ZNF518A: variants seen among roughly 807,000 people sequenced by gnomAD.
ZNF518A encodes the protein zinc finger protein 518A, also known as zinc finger protein 518.
A neutral mutation model predicts 102.7 loss-of-function variants in ZNF518A; 47 were observed. The observed-to-expected ratio is 0.46, with a 90% CI of 0.36 to 0.58. ZNF518A has a LOEUF of 0.58. Among genes scored for constraint, ZNF518A ranks in the 20% least tolerant of loss-of-function variants. The pLI is 0.00. For synonymous variants in ZNF518A, 652 were observed against 594.6 expected, an observed-to-expected ratio of 1.10 and a Z score of -1.40; for missense variants, 1,793 against 1,699.8, an observed-to-expected ratio of 1.05 and a Z score of -0.96.
chr10:96,138,713 C>T (rs1448134451), intron 3 of ZNF518A, among the ~76,000 whole-genome samples: 1 of 152,082 alleles, frequency 6.6e-6, no homozygotes, highest in Admixed American at 6.5e-5. Context: ...TGGTTTACTG[C>T]CATATTCCCA....
downstream of ZNF518A, among the ~76,000 whole-genome samples, chr10:96,168,049 A>G (rs1004124763): frequency 1.3e-5 from 2 of 152,232 alleles, no homozygotes; most frequent in Admixed American, 6.5e-5. Flanking sequence ...TAATAATTAT[A>G]TGTCCATCAA....
At chr10:96,132,706 T>C (rs1414928589) in intron 2 of ZNF518A, 36 bp downstream of exon 2, 1 of 152,092 alleles carries the variant, frequency 6.6e-6, no homozygotes, top group Non-Finnish European at 1.5e-5. Flanking sequence ...GTATATAGTC[T>C]ATTAAGTAGT....
At chr10:96,132,810 T>G (rs2081404581) in intron 2 of ZNF518A, 140 bp downstream of exon 2, 1 of 152,114 alleles carries the variant, frequency 6.6e-6, no homozygotes, top group Non-Finnish European at 1.5e-5. Context: ...TTTTGAGTGC[T>G]GACATGATGG....
downstream of ZNF518A, among the ~76,000 whole-genome samples, chr10:96,164,066 C>T (rs185204987): frequency 5.3e-4 from 80 of 152,186 alleles, no homozygotes; most frequent in African/African-American, 1.6e-3. Context: ...TGAGATAGAG[C>T]AGAAATGCTG....
downstream of ZNF518A, chr10:96,163,879 A>T (rs1157898001): frequency 2.4e-5 from 4 of 165,970 alleles, no homozygotes; most frequent in Non-Finnish European, 5.9e-5. Context: ...AAGTTTCGTG[A>T]TGTACCTCAC....
rs2082864230 is a variant in ZNF518A at position 96,159,130 on chromosome 10, AG to A, written c.2810del (p.Gly937AspfsTer3). On this transcript the variant is annotated frameshift_variant, in exon 6 of 6. Transcript: ENST00000316045. LOFTEE classifies it high-confidence loss of function. Reference sequence around the variant, plus strand: ...AAACTATAATTGTTCAGACTTCAAAAGGATTCTTAATACCATTGAACATTAC... The same window carrying A: ...AAACTATAATTGTTCAGACTTCAAAAGATTCTTAATACCATTGAACATTAC... Reference protein sequence around the residue: ...KKTIIVQTSKGFLIPLNITNK... With the variant: ...KKTIIVQTSKXFLIPLNITNK... The A allele has an allele frequency of 6.2e-7, 1 of 1,612,224 alleles. No individual in the cohort carries two copies. The highest frequency in any genetic ancestry group is 8.5e-7 in the Non-Finnish European group (1 of 1,179,378).
chr10:96,138,681 A>G (rs1319966914), intron 3 of ZNF518A, among the ~76,000 whole-genome samples: 6 of 152,074 alleles, frequency 3.9e-5, no homozygotes, highest in Non-Finnish European at 5.9e-5. Context: ...TACCTCCGTG[A>G]GGGGAGGGAT....
rs150495829 is a variant in ZNF518A, at chr10:96,189,698, AATC to A, written n.36-13842_36-13840del. ...TTTTCTTCAGTTTCCTCATCATCAA[AATC>A]ATCATCATCATCATCATCATCATCA... On this transcript the variant is annotated intron_variant and non_coding_transcript_variant, in intron 1 of 2. Coordinates refer to the ZNF518A transcript ENST00000442635. 3,594 of 642,138 alleles carry A rather than the reference AATC, an allele frequency of 5.6e-3. 10 individuals carry two copies. Among genetic ancestry groups the A allele is most frequent in the Admixed American group, 0.018 (896 of 49,090 alleles). 39.8% of individuals were successfully genotyped at this position (642,138 alleles called of 1,614,324 possible).
At chr10:96,155,151 T>C (rs2082639640) in intron 3 of ZNF518A, among the ~76,000 whole-genome samples, 175 bp from the exon 4 acceptor site, 1 of 149,610 alleles carries the variant, frequency 6.7e-6, no homozygotes, top group African/African-American at 2.6e-5. Flanking sequence ...TTCAGATTCC[T>C]GTCTCAACAA....
At chr10:96,149,507 A>T (rs1182774825) in intron 3 of ZNF518A, among the ~76,000 whole-genome samples, 1 of 152,244 alleles carries the variant, frequency 6.6e-6, no homozygotes, top group East Asian at 1.9e-4. Flanking sequence ...GGGGAAGAGA[A>T]TCTTAGCATC....
At chr10:96,201,171 A>C (rs2083623076) in intron 1 of ZNF518A, 11 of 955,792 alleles carry the variant, frequency 1.2e-5, no homozygotes, top group Non-Finnish European at 1.8e-5. Flanking sequence ...ACCAAAAAAA[A>C]TCCTTAAGGC....
Position 96,158,647 on chromosome 10 carries a change from A to G in ZNF518A, c.2325A>G (p.Ala775=), listed in dbSNP as rs1554884898. The G allele has an allele frequency of 8.7e-6, 14 of 1,613,286 alleles. No individual in the cohort carries two copies. Among genetic ancestry groups the G allele is most frequent in the Non-Finnish European group, 1.1e-5 (13 of 1,179,660 alleles). Residue 775 remains alanine (A), a synonymous_variant, in exon 6 of 6, where the codon GCA becomes GCG. Transcript: ENST00000316045. ...TTTTCTCTCTCCAGAGCCAACAGGC[A>G]TCAGAATTTCTGCCACCTGAAGTAA... ...TSVFSLQSQQ[A]SEFLPPEVNQ... is the part of the protein sequence containing the mutation.
chr10:96,204,361 A>T, downstream of ZNF518A: 2 of 807,370 alleles, frequency 2.5e-6, no homozygotes, highest in Non-Finnish European at 4.2e-6. Context: ...CTGCAACTCT[A>T]CACAGTTATT....
At chr10:96,197,924 A>AAAT (rs1261103023) in intron 1 of ZNF518A, among the ~76,000 whole-genome samples, 1 of 150,038 alleles carries the variant, frequency 6.7e-6, no homozygotes, top group Non-Finnish European at 1.5e-5. Context: ...AAAAAAAAAA[A>AAAT]GAAAGAAAAA....
chr10:96,134,246 T>C (rs1226614114), intron 3 of ZNF518A, among the ~76,000 whole-genome samples: 1 of 152,204 alleles, frequency 6.6e-6, no homozygotes, highest in Non-Finnish European at 1.5e-5. Context: ...GTTTTGTTTT[T>C]TTGAGACGGA....
At chr10:96,184,580 T>G (rs1253022648) in intron 1 of ZNF518A, among the ~76,000 whole-genome samples, 2 of 152,212 alleles carry the variant, frequency 1.3e-5, no homozygotes, top group African/African-American at 2.4e-5. Context: ...TGGCTGGATA[T>G]GAAATTCTGG....
chr10:96,197,755 G>GA (rs2083507972), intron 1 of ZNF518A, among the ~76,000 whole-genome samples: 4 of 151,380 alleles, frequency 2.6e-5, no homozygotes, highest in African/African-American at 9.7e-5. Context: ...ACTTTTATAA[G>GA]AAAAAAAATC....
chr10:96,158,932 A>G lies in ZNF518A; in HGVS notation c.2610A>G (p.Gln870=), dbSNP rs781994108. The G allele has an allele frequency of 1.9e-6, 3 of 1,613,636 alleles. No individual in the cohort carries two copies. Among genetic ancestry groups the G allele is most frequent in the Admixed American group, 1.7e-5 (1 of 59,946 alleles). Residue 870 remains glutamine (Q), a synonymous_variant, in exon 6 of 6, where the codon CAA becomes CAG. Transcript: ENST00000316045. ...AAAAACAAGTGTCATCAATACCACA[A>G]GATGTGAGAGATTCAGAGAAGATGC... The part of the protein sequence containing the change: ...GKEKQVSSIP[Q]DVRDSEKMPR...
rs1038251972 is a variant in ZNF518A, at chr10:96,149,039, A to G, written c.-301-6287A>G. On this transcript the variant is annotated intron_variant, in intron 3 of 5. Transcript: ENST00000316045. Reference sequence around the variant, plus strand: ...CTGATTTTTTTTTTCTTTTACCTCAATCTGTTACAGCTGATAATTTTAAAG... The same window carrying G: ...CTGATTTTTTTTTTCTTTTACCTCAGTCTGTTACAGCTGATAATTTTAAAG... Among the ~76,000 whole-genome samples the G allele has an allele frequency of 7.2e-5, 11 of 151,914 alleles. No homozygotes were observed. The East Asian group carries it at 7.7e-4, about 11-fold the overall frequency.
Sources: gnomAD v4.1 joint callset for allele counts (sites outside exome capture counted in the v4.1 genomes callset) on GRCh38, gnomAD v4.1.1 for gene constraint, MANE v1.5 for transcripts, NCBI Gene and HGNC (gene_info 2026-07-23, HGNC 2026-07-21) for gene names.